Variants in SLC25A12 observed in about 807,000 individuals in gnomAD.
SLC25A12 encodes solute carrier family 25 member 12, also known as electrogenic aspartate/glutamate antiporter SLC25A12, mitochondrial.
A neutral mutation model predicts 83.3 loss-of-function variants in SLC25A12; 32 were observed. That is an observed-to-expected ratio of 0.38 (90% CI 0.29 to 0.52). The LOEUF is 0.52. Among genes scored for constraint, SLC25A12 ranks in the 20% least tolerant of loss-of-function variants. SLC25A12 has a pLI of 0.84. For missense variants in SLC25A12, 611 were observed against 835.6 expected (o/e 0.73, Z 3.31); for synonymous variants, 267 against 291.1 (o/e 0.92, Z 0.84).
chr2:171,878,656 T>G (rs1685620577), intron 2 of SLC25A12, among the ~76,000 whole-genome samples: 1 of 152,130 alleles, frequency 6.6e-6, no homozygotes, highest in Admixed American at 6.6e-5. Context: ...CTCCATTACT[T>G]TGTTCCAACT....
At chr2:171,846,350 A>T (rs1407379288) in intron 4 of SLC25A12, among the ~76,000 whole-genome samples, 1 of 152,110 alleles carries the variant, frequency 6.6e-6, no homozygotes, top group Non-Finnish European at 1.5e-5. Context: ...TAATTATTTG[A>T]TAATAAATGT....
intron 5 of SLC25A12, among the ~76,000 whole-genome samples, chr2:171,840,729 TAAGAA>T (rs2105892198): frequency 1.3e-5 from 2 of 151,984 alleles, no homozygotes; most frequent in South Asian, 4.2e-4. Flanking sequence ...GAAAATAGAA[TAAGAA>T]AAGTAATAAA....
At chr2:171,892,681 G>A (rs1274898562) in intron 2 of SLC25A12, among the ~76,000 whole-genome samples, 1 of 151,460 alleles carries the variant, frequency 6.6e-6, no homozygotes, top group African/African-American at 2.4e-5. Flanking sequence ...TAGAAGTTAA[G>A]GTAGACCATT....
intron 15 of SLC25A12, among the ~76,000 whole-genome samples, chr2:171,790,355 T>C (rs1201871010): frequency 6.8e-6 from 1 of 147,250 alleles, no homozygotes; most frequent in South Asian, 2.1e-4. Context: ...TTCCTTCCTT[T>C]GTCTTTTCAG....
chr2:171,846,999 C>G (rs1684811031), intron 4 of SLC25A12, among the ~76,000 whole-genome samples: 1 of 152,164 alleles, frequency 6.6e-6, no homozygotes, highest in African/African-American at 2.4e-5. Context: ...TCATAGTGAT[C>G]TCCCCAAATA....
chr2:171,798,652 T>C (rs1683648187), intron 13 of SLC25A12, among the ~76,000 whole-genome samples: 1 of 152,154 alleles, frequency 6.6e-6, no homozygotes. Flanking sequence ...GAACAGACAG[T>C]GACTCAGCCT....
At chr2:171,880,305 T>G (rs1340315891) in intron 2 of SLC25A12, among the ~76,000 whole-genome samples, 1 of 152,182 alleles carries the variant, frequency 6.6e-6, no homozygotes, top group Non-Finnish European at 1.5e-5. Flanking sequence ...TTTTTTGAGA[T>G]GGAGTCTCCC....
At chr2:171,807,857 A>G (rs1683867844) in intron 13 of SLC25A12, among the ~76,000 whole-genome samples, 1 of 152,220 alleles carries the variant, frequency 6.6e-6, no homozygotes, top group Non-Finnish European at 1.5e-5. Context: ...GCACACACAC[A>G]CCCACACAGC....
intron 5 of SLC25A12, among the ~76,000 whole-genome samples, chr2:171,838,746 T>C (rs1268422183): frequency 6.6e-6 from 1 of 152,196 alleles, no homozygotes; most frequent in Non-Finnish European, 1.5e-5. Flanking sequence ...TAAAGATACG[T>C]ATTTGAAGGA....
At chr2:171,791,039 T>C (rs1328005447) in intron 15 of SLC25A12, among the ~76,000 whole-genome samples, 1 of 152,036 alleles carries the variant, frequency 6.6e-6, no homozygotes, top group Non-Finnish European at 1.5e-5. Flanking sequence ...GATTCCAATA[T>C]ACAGAAGAGA....
chr2:171,879,867 A>G (rs781223737), intron 2 of SLC25A12, among the ~76,000 whole-genome samples: 17 of 152,250 alleles, frequency 1.1e-4, no homozygotes, highest in Non-Finnish European at 2.2e-4. Context: ...TAAAAGATCT[A>G]AGAAACAGAT....
intron 13 of SLC25A12, among the ~76,000 whole-genome samples, chr2:171,806,481 A>G (rs535868709): frequency 1.6e-4 from 24 of 152,262 alleles, no homozygotes; most frequent in South Asian, 1.0e-3. Context: ...ACAAAAACAA[A>G]CCAGATAATA....
chr2:171,788,807 G>A (rs1574671453), intron 15 of SLC25A12: 1 of 152,234 alleles, frequency 6.6e-6, no homozygotes, highest in East Asian at 1.9e-4. Flanking sequence ...ACTTCCCCTT[G>A]GCATGGCCTT....
chr2:171,879,046 T>G (rs1685634017), intron 2 of SLC25A12, among the ~76,000 whole-genome samples: 1 of 152,228 alleles, frequency 6.6e-6, no homozygotes, highest in Non-Finnish European at 1.5e-5. Context: ...AAGAGCATTC[T>G]ATCATAAATA....
At chr2:171,888,436 T>C (rs952546973) in intron 2 of SLC25A12, among the ~76,000 whole-genome samples, 1 of 151,472 alleles carries the variant, frequency 6.6e-6, no homozygotes, top group Non-Finnish European at 1.5e-5. Context: ...ATATATATAT[T>C]TTTTTAATTA....
At chr2:171,876,563 T>A (rs1401434203) in intron 2 of SLC25A12, among the ~76,000 whole-genome samples, 1 of 137,430 alleles carries the variant, frequency 7.3e-6, no homozygotes, top group African/African-American at 2.7e-5. Context: ...GGGACTCAAG[T>A]GATCCTCCCA....
At chr2:171,881,260 C>A (rs1286429946) in intron 2 of SLC25A12, among the ~76,000 whole-genome samples, 1 of 152,152 alleles carries the variant, frequency 6.6e-6, no homozygotes, top group Non-Finnish European at 1.5e-5. Flanking sequence ...TCAAGCGATT[C>A]TCCCATCTCA....
chr2:171,792,763 G>A (rs533072650), intron 14 of SLC25A12, among the ~76,000 whole-genome samples: 6 of 152,276 alleles, frequency 3.9e-5, no homozygotes, highest in East Asian at 1.9e-4. Context: ...AAATGTGTAC[G>A]AAACTCTCTT....
chr2:171,828,866 G>T (rs1172670955), intron 8 of SLC25A12, among the ~76,000 whole-genome samples: 1 of 152,202 alleles, frequency 6.6e-6, no homozygotes, highest in Non-Finnish European at 1.5e-5. Context: ...ATCAGTGGTG[G>T]AGAGAACCTT....
Sources: gnomAD v4.1 joint callset for allele counts (sites outside exome capture counted in the v4.1 genomes callset) on GRCh38, gnomAD v4.1.1 for gene constraint, MANE v1.5 for transcripts, NCBI Gene and HGNC (gene_info 2026-07-23, HGNC 2026-07-21) for gene names.